AKAP19: variants seen among roughly 807,000 people sequenced by gnomAD.
AKAP19 encodes the protein small A-kinase anchoring protein.
At chr2:190,066,414 G>A in the AKAP19 span, among the ~76,000 whole-genome samples, 9 of 152,152 alleles carry the variant, frequency 5.9e-5, no homozygotes, top group Admixed American at 3.3e-4. Context: ...AAAGGAGGAC[G>A]ATGAGATTAG....
the AKAP19 span, among the ~76,000 whole-genome samples, chr2:189,951,400 C>T: frequency 6.6e-6 from 1 of 152,004 alleles, no homozygotes; most frequent in Non-Finnish European, 1.5e-5. Context: ...CGGGGTTTCA[C>T]CATGTTGGCC....
the AKAP19 span, among the ~76,000 whole-genome samples, chr2:190,028,901 A>T: frequency 1.3e-5 from 2 of 152,220 alleles, no homozygotes; most frequent in African/African-American, 4.8e-5. Flanking sequence ...TATTGATAAA[A>T]TGAAAATTAC....
chr2:190,182,059 A>G, the AKAP19 span, among the ~76,000 whole-genome samples: 1 of 152,240 alleles, frequency 6.6e-6, no homozygotes, highest in Non-Finnish European at 1.5e-5. Context: ...TAACAAAAGG[A>G]TGCTTTAAAA....
chr2:189,965,938 ATATG>A, the AKAP19 span, among the ~76,000 whole-genome samples: 5 of 151,652 alleles, frequency 3.3e-5, no homozygotes, highest in East Asian at 3.9e-4. Flanking sequence ...ATTGTGGTAT[ATATG>A]TATGTATGTA....
chr2:190,109,865 T>C, the AKAP19 span, among the ~76,000 whole-genome samples: 3 of 152,130 alleles, frequency 2.0e-5, no homozygotes, highest in African/African-American at 7.2e-5. Context: ...CACTTAGATA[T>C]CCATGGTGCT....
At chr2:189,966,904 G>A in the AKAP19 span, among the ~76,000 whole-genome samples, 2 of 152,294 alleles carry the variant, frequency 1.3e-5, no homozygotes, top group Non-Finnish European at 2.9e-5. Flanking sequence ...ACAGACTCAG[G>A]TAGCTCAGCT....
At chr2:190,016,377 T>C in the AKAP19 span, among the ~76,000 whole-genome samples, 1 of 152,128 alleles carries the variant, frequency 6.6e-6, no homozygotes, top group South Asian at 2.1e-4. Flanking sequence ...AAGGAGGAAC[T>C]CTCAGACACT....
At chr2:190,176,974 A>G in the AKAP19 span, among the ~76,000 whole-genome samples, 9 of 152,188 alleles carry the variant, frequency 5.9e-5, no homozygotes, top group Non-Finnish European at 7.4e-5. The surrounding 1 kb of genome is among the most constrained non-coding windows in gnomAD (Gnocchi z 4.7). Flanking sequence ...AGAAATAGCC[A>G]TGTTTTCCAA....
At chr2:190,116,217 A>G in the AKAP19 span, among the ~76,000 whole-genome samples, 1 of 152,230 alleles carries the variant, frequency 6.6e-6, no homozygotes, top group East Asian at 1.9e-4. Context: ...CCTGAGACCA[A>G]GTAATTTATA....
the AKAP19 span, among the ~76,000 whole-genome samples, chr2:190,001,918 C>T: frequency 1.3e-5 from 2 of 152,198 alleles, no homozygotes; most frequent in Non-Finnish European, 2.9e-5. Context: ...TAGAGTCAAG[C>T]CATTGGCCCC....
the AKAP19 span, among the ~76,000 whole-genome samples, chr2:190,188,799 CTTACT>C: frequency 6.6e-6 from 1 of 152,036 alleles, no homozygotes; most frequent in Non-Finnish European, 1.5e-5. Context: ...CCTCTTGGCT[CTTACT>C]TTAAGGATGA....
chr2:189,947,229 A>G, the AKAP19 span, among the ~76,000 whole-genome samples: 64 of 152,324 alleles, frequency 4.2e-4, 1 homozygote, highest in African/African-American at 1.5e-3. Flanking sequence ...AGTAACAGAA[A>G]GAAGATCAGT....
chr2:189,919,995 T>A, the AKAP19 span, among the ~76,000 whole-genome samples: 1 of 152,214 alleles, frequency 6.6e-6, no homozygotes, highest in African/African-American at 2.4e-5. Context: ...TCACTACACC[T>A]ACAATAGTCT....
At chr2:190,046,920 T>C in the AKAP19 span, among the ~76,000 whole-genome samples, 18 of 152,230 alleles carry the variant, frequency 1.2e-4, no homozygotes, top group Admixed American at 2.0e-4. Context: ...AAACCATTAT[T>C]CTGAGAAGTG....
chr2:189,970,483 A>G, the AKAP19 span, among the ~76,000 whole-genome samples: 1 of 152,192 alleles, frequency 6.6e-6, no homozygotes, highest in East Asian at 1.9e-4. Flanking sequence ...ATGGCATCAC[A>G]ATGTATGTAT....
the AKAP19 span, among the ~76,000 whole-genome samples, chr2:189,966,815 C>A: frequency 7.2e-5 from 11 of 152,252 alleles, no homozygotes; most frequent in South Asian, 2.3e-3. Context: ...TTACTTCTTA[C>A]AATTTTATGT....
chr2:190,013,716 C>G, the AKAP19 span, among the ~76,000 whole-genome samples: 1 of 151,918 alleles, frequency 6.6e-6, no homozygotes, highest in Admixed American at 6.6e-5. Context: ...GACAGGGTTT[C>G]ACTGTGTTAG....
the AKAP19 span, among the ~76,000 whole-genome samples, chr2:190,059,174 ATCT>A: frequency 2.0e-5 from 3 of 151,970 alleles, no homozygotes; most frequent in Non-Finnish European, 4.4e-5. Context: ...TACAAGTATA[ATCT>A]TCTTTTGTAA....
the AKAP19 span, among the ~76,000 whole-genome samples, chr2:190,151,057 A>G: frequency 6.6e-6 from 1 of 152,134 alleles, no homozygotes; most frequent in South Asian, 2.1e-4. Flanking sequence ...AAGTTTTTAT[A>G]TAAGAATACT....
Sources: allele counts gnomAD v4.1 joint callset (sites outside exome capture counted in the v4.1 genomes callset), GRCh38; gene constraint gnomAD v4.1.1; non-coding constraint Gnocchi (gnomAD v3.1); transcripts MANE v1.5; gene names NCBI Gene and HGNC (gene_info 2026-07-23, HGNC 2026-07-21).